Variants in MAPK8 observed in about 807,000 individuals in gnomAD.
MAPK8 encodes the protein JUN N-terminal kinase.
Under a neutral mutation model 52.9 loss-of-function variants are expected in MAPK8, and 13 were observed. The observed-to-expected ratio is 0.25, with a 90% CI of 0.16 to 0.39. The LOEUF (loss-of-function observed/expected upper bound fraction) is 0.39, where lower values mean the gene tolerates loss of function less well. MAPK8 is among the 10% of genes least tolerant of loss of function. The pLI is 1.00. For synonymous variants in MAPK8, 191 were observed against 169.8 expected, an observed-to-expected ratio of 1.12 and a Z score of -0.97; for missense variants, 300 against 519.2, an observed-to-expected ratio of 0.58 and a Z score of 4.10.
chr10:48,359,036 A>G (rs557701101), intron 1 of MAPK8, among the ~76,000 whole-genome samples: 4 of 152,320 alleles, frequency 2.6e-5, no homozygotes, highest in African/African-American at 9.6e-5. Flanking sequence ...GTCAGAAAGT[A>G]TGAGTCCTCC....
At chr10:48,315,475 G>A (rs1471555071) in intron 1 of MAPK8, among the ~76,000 whole-genome samples, 1 of 152,044 alleles carries the variant, frequency 6.6e-6, no homozygotes, top group East Asian at 1.9e-4. Flanking sequence ...ATAAGTGACA[G>A]CTTTATGATG....
chr10:48,346,129 G>A (rs140711628), intron 1 of MAPK8, among the ~76,000 whole-genome samples: 84 of 152,222 alleles, frequency 5.5e-4, no homozygotes, highest in African/African-American at 1.8e-3. Context: ...GCCTGTGGGC[G>A]GCAAGCCACC....
At chr10:48,395,807 A>G (rs1227106624) in intron 1 of MAPK8, among the ~76,000 whole-genome samples, 4 of 152,234 alleles carry the variant, frequency 2.6e-5, no homozygotes, top group Non-Finnish European at 5.9e-5. Context: ...AACAGAATTA[A>G]AAGTCCAGAA....
intron 1 of MAPK8, among the ~76,000 whole-genome samples, chr10:48,349,880 A>G (rs1416136470): frequency 6.6e-6 from 1 of 152,230 alleles, no homozygotes; most frequent in Non-Finnish European, 1.5e-5. Context: ...TCAGACTAAT[A>G]AAGAAGAAAA....
intron 5 of MAPK8, among the ~76,000 whole-genome samples, chr10:48,410,751 G>T (rs550868328): frequency 5.4e-4 from 83 of 152,336 alleles, no homozygotes; most frequent in Admixed American, 1.8e-3. Flanking sequence ...CCCACTAGCA[G>T]TGTATGCGGG....
At chr10:48,347,041 G>A (rs973396475) in intron 1 of MAPK8, among the ~76,000 whole-genome samples, 2 of 152,116 alleles carry the variant, frequency 1.3e-5, no homozygotes, top group African/African-American at 2.4e-5. Flanking sequence ...GTGGTCCCCC[G>A]GGCCCAGCTG....
At chr10:48,400,418 T>A (rs1305730307) in intron 1 of MAPK8, among the ~76,000 whole-genome samples, 1 of 152,214 alleles carries the variant, frequency 6.6e-6, no homozygotes, top group Non-Finnish European at 1.5e-5. Flanking sequence ...CTAAGACTCT[T>A]CATTGTTTCT....
chr10:48,382,347 A>T (rs1404559280), intron 1 of MAPK8, among the ~76,000 whole-genome samples: 1 of 152,222 alleles, frequency 6.6e-6, no homozygotes, highest in Admixed American at 6.5e-5. Context: ...AATCACATTA[A>T]CTTGAAAAAT....
At chr10:48,427,058 A>AT in intron 9 of MAPK8, 22 bp from the exon 10 acceptor site, 1 of 1,598,750 alleles carries the variant, frequency 6.3e-7, no homozygotes, top group South Asian at 1.1e-5. Context: ...TGACTTGGTT[A>AT]TTATTGCCTT....
chr10:48,351,751 A>G (rs1846355609), intron 1 of MAPK8, among the ~76,000 whole-genome samples: 1 of 152,204 alleles, frequency 6.6e-6, no homozygotes, highest in Non-Finnish European at 1.5e-5. Flanking sequence ...AATAAGAGAT[A>G]CAGGTTGAGT....
chr10:48,336,694 C>T (rs1346449440), intron 1 of MAPK8, among the ~76,000 whole-genome samples: 1 of 152,024 alleles, frequency 6.6e-6, no homozygotes, highest in Non-Finnish European at 1.5e-5. Flanking sequence ...TGTGATAACC[C>T]TGTGGGTTGC....
At chr10:48,433,611 C>A (rs1370809536) in intron 11 of MAPK8, among the ~76,000 whole-genome samples, 1 of 152,196 alleles carries the variant, frequency 6.6e-6, no homozygotes. Context: ...CCATCACATG[C>A]TTTGTCTCTT....
chr10:48,401,692 A>G lies in MAPK8; in HGVS notation c.32A>G (p.Tyr11Cys), dbSNP rs1299206807. Residue 11 changes from tyrosine to cysteine, a missense_variant, in exon 2 of 12, where the codon TAT (tyrosine) becomes TGT (cysteine). By Grantham distance (194) the Tyr-to-Cys change is radical. Coordinates refer to ENST00000374189, the MANE Select transcript of MAPK8 (RefSeq NM_001323329.2). Reference sequence around the variant, plus strand: ...AGAAGCAAGCGTGACAACAATTTTTATAGTGTAGAGATTGGAGATTCTACA... The same window carrying G: ...AGAAGCAAGCGTGACAACAATTTTTGTAGTGTAGAGATTGGAGATTCTACA... The part of the protein sequence containing the change: MSRSKRDNNF[Y>C]SVEIGDSTFT... The G allele has an allele frequency of 2.5e-6, 4 of 1,609,246 alleles. 1 individual carries two copies. In the South Asian group the frequency reaches 3.3e-5, roughly 13 times the overall value.
intron 1 of MAPK8, among the ~76,000 whole-genome samples, chr10:48,387,632 A>G (rs955819768): frequency 5.3e-5 from 8 of 152,186 alleles, no homozygotes; most frequent in Non-Finnish European, 1.2e-4. Context: ...GACAGATAAA[A>G]TGACAGTTTC....
intron 7 of MAPK8, chr10:48,424,432 G>A (rs1278590085): frequency 1.2e-6 from 1 of 862,134 alleles, no homozygotes; most frequent in Non-Finnish European, 1.8e-6. Flanking sequence ...AAGTATACAT[G>A]GTGTGTGTGA....
chr10:48,329,152 C>A (rs118150291), intron 1 of MAPK8, among the ~76,000 whole-genome samples: 3 of 152,208 alleles, frequency 2.0e-5, no homozygotes, highest in Non-Finnish European at 4.4e-5. Context: ...GGGTCATACA[C>A]GAGTGGCAGG....
At chr10:48,380,698 G>C (rs187859580) in intron 1 of MAPK8, among the ~76,000 whole-genome samples, 1 of 152,242 alleles carries the variant, frequency 6.6e-6, no homozygotes, top group Non-Finnish European at 1.5e-5. Context: ...ACGCCAGTGC[G>C]CTCCAGCATG....
At chr10:48,325,066 C>T (rs564948647) in intron 1 of MAPK8, among the ~76,000 whole-genome samples, 2 of 152,136 alleles carry the variant, frequency 1.3e-5, no homozygotes, top group South Asian at 2.1e-4. Flanking sequence ...ACCTCCACCT[C>T]CTGGGTTCAA....
At chr10:48,352,845 A>G (rs997625880) in intron 1 of MAPK8, among the ~76,000 whole-genome samples, 1 of 152,186 alleles carries the variant, frequency 6.6e-6, no homozygotes, top group Non-Finnish European at 1.5e-5. Flanking sequence ...CTGTGACGTG[A>G]TCATCTGTTT....
Sources: gnomAD v4.1 joint callset for allele counts (sites outside exome capture counted in the v4.1 genomes callset) on GRCh38, gnomAD v4.1.1 for gene constraint, MANE v1.5 for transcripts, NCBI Gene and HGNC (gene_info 2026-07-23, HGNC 2026-07-21) for gene names.